RAI14: variants seen among roughly 807,000 people sequenced by gnomAD.
RAI14 encodes the protein retinoic acid induced 14.
In RAI14, 45 loss-of-function variants were observed where a neutral mutation model predicts 115.4. The observed-to-expected ratio is 0.39, with a 90% CI of 0.31 to 0.50. The LOEUF (loss-of-function observed/expected upper bound fraction) is 0.50. Among genes scored for constraint, RAI14 ranks in the 20% least tolerant of loss-of-function variants. The pLI is 0.85. For missense variants in RAI14, 939 were observed against 1,131.2 expected, an observed-to-expected ratio of 0.83 and a Z score of 2.44; for synonymous variants, 371 against 415.4, an observed-to-expected ratio of 0.89 and a Z score of 1.30.
intron 2 of RAI14, among the ~76,000 whole-genome samples, chr5:34,728,241 G>C (rs1391129589): frequency 6.6e-6 from 1 of 152,196 alleles, no homozygotes; most frequent in East Asian, 1.9e-4. Flanking sequence ...ATGGATGGAA[G>C]GGACTTGTCT....
At chr5:34,785,190 T>C (rs1006962672) in intron 3 of RAI14, among the ~76,000 whole-genome samples, 2 of 152,290 alleles carry the variant, frequency 1.3e-5, no homozygotes, top group African/African-American at 4.8e-5. Flanking sequence ...TCTATCAAAA[T>C]TGGCTTATCT....
At chr5:34,811,292 A>G (rs112790514) in intron 8 of RAI14, among the ~76,000 whole-genome samples, 174 bp downstream of exon 8, 21,457 of 152,150 alleles carry the variant, frequency 0.14, 2,068 homozygotes, top group Non-Finnish European at 0.2. Context: ...CTTTAAAGCA[A>G]TTTTCCCCAG....
rs1040431124 is a variant in RAI14 at position 34,822,960 on chromosome 5, A to G, written c.1118A>G (p.Lys373Arg). 1.2e-6 allele frequency: 2 copies of G among 1,606,980 alleles called. No individual in the cohort carries two copies. Among genetic ancestry groups the G allele is most frequent in the Admixed American group, 1.7e-5 (1 of 58,476 alleles). Residue 373 changes from lysine (K) to arginine (R), a missense_variant, in exon 15 of 18, where the codon AAA becomes AGA. Lys to Arg is a conservative substitution (Grantham distance 26). Transcript: ENST00000265109. ...ATTCTTGCTTTTTTTTCCTAGGCCA[A>G]ATCACCCAAGGAGGCGGAAGCAGAC... ...NKELQDKLQA[K>R]SPKEAEADLS... is the part of the protein sequence containing the mutation.
At position 34,823,226 on chromosome 5, in the gene RAI14, C is replaced by G. The variant is rs1224940940; in HGVS notation, c.1384C>G (p.Arg462Gly). ...ACAGCTACAGGTCGAACTCCAATCC[C>G]GAAGGGCAGAACTGGTATGCTTAAA... The part of the protein sequence containing the change: ...RKQLQVELQS[R>G]RAELVCLNNT... The change falls in exon 15 of 18, where the codon CGA (arginine) becomes GGA (glycine). Residue 462 changes from arginine (R) to glycine (G), a missense_variant. Arg to Gly is a moderately radical substitution (Grantham distance 125, BLOSUM62 -2). Transcript: ENST00000265109. This position sits in a 1 kb window ranked among gnomAD's most constrained non-coding sequence, Gnocchi z 4.5. The G allele has an allele frequency of 1.8e-5, 29 of 1,614,040 alleles. No individual in the cohort carries two copies. The highest frequency in any genetic ancestry group is 1.5e-4 in the South Asian group (14 of 91,084).
chr5:34,786,518 A>G (rs1179893144), intron 3 of RAI14, among the ~76,000 whole-genome samples: 1 of 152,166 alleles, frequency 6.6e-6, no homozygotes, highest in East Asian at 1.9e-4. Flanking sequence ...CTGTTACTTC[A>G]TTATACTCTC....
At chr5:34,750,657 A>G in intron 2 of RAI14, among the ~76,000 whole-genome samples, 1 of 152,078 alleles carries the variant, frequency 6.6e-6, no homozygotes. Context: ...ACATATGGAG[A>G]AAAGTACACA....
intron 3 of RAI14, among the ~76,000 whole-genome samples, chr5:34,777,778 CA>C (rs1162688187): frequency 6.7e-6 from 1 of 148,770 alleles, no homozygotes; most frequent in African/African-American, 2.5e-5. Context: ...GACTCCGTCT[CA>C]AAAAAACAAA....
At chr5:34,704,136 G>A (rs1179428646) in intron 2 of RAI14, among the ~76,000 whole-genome samples, 2 of 152,190 alleles carry the variant, frequency 1.3e-5, no homozygotes, top group African/African-American at 2.4e-5. Context: ...GGTCTAATCC[G>A]GCTCAGTCGT....
At chr5:34,785,898 G>A (rs1298904219) in intron 3 of RAI14, among the ~76,000 whole-genome samples, 1 of 152,146 alleles carries the variant, frequency 6.6e-6, no homozygotes. Context: ...CAGAATCAGT[G>A]ACTCCTGTTT....
At chr5:34,750,869 T>TTTTTTTTA (rs1746906098) in intron 2 of RAI14, among the ~76,000 whole-genome samples, 1 of 147,840 alleles carries the variant, frequency 6.8e-6, no homozygotes, top group Non-Finnish European at 1.5e-5. Context: ...TTTTTTTTTT[T>TTTTTTTTA]GAGGTGGAGT....
intron 2 of RAI14, among the ~76,000 whole-genome samples, chr5:34,741,643 G>A (rs919261010): frequency 2.0e-5 from 3 of 152,294 alleles, no homozygotes; most frequent in South Asian, 2.1e-4. Context: ...CAGAGGGAGC[G>A]CTGGGCAAAG....
intron 12 of RAI14, among the ~76,000 whole-genome samples, chr5:34,817,272 C>CA (rs34084798): frequency 0.058 from 5,626 of 97,066 alleles, 261 homozygotes; most frequent in African/African-American, 0.074. Flanking sequence ...CACTCCATCT[C>CA]AAAAAAAAAA....
intron 5 of RAI14, among the ~76,000 whole-genome samples, chr5:34,804,677 G>A (rs1157893239): frequency 1.3e-5 from 2 of 152,176 alleles, no homozygotes; most frequent in South Asian, 2.1e-4. Context: ...TTCCAAGAAT[G>A]CTTAACCTTA....
Position 34,814,658 on chromosome 5 carries a change from C to A in RAI14, c.928C>A (p.Pro310Thr), listed in dbSNP as rs772496648. 11 of 1,608,404 alleles carry A rather than the reference C, an allele frequency of 6.8e-6. No homozygotes were observed. Among genetic ancestry groups the A allele is most frequent in the South Asian group, 3.3e-5 (3 of 90,974 alleles). The part of the protein sequence containing the change: ...SGKESVFFAE[P>T]PFKAEISSIR... Reference sequence around the variant, plus strand: ...AAAGGAATCGGTATTTTTTGCTGAACCACCCTTCAAGGTATTTCCTTTCTG... The same window carrying A: ...AAAGGAATCGGTATTTTTTGCTGAAACACCCTTCAAGGTATTTCCTTTCTG... Residue 310 changes from proline to threonine, a missense_variant, in exon 12 of 18, where the codon CCA (proline) becomes ACA (threonine). Coordinates refer to ENST00000265109, the MANE Select transcript of RAI14 (RefSeq NM_015577.3).
chr5:34,749,325 ACT>A (rs1419420688), intron 2 of RAI14, among the ~76,000 whole-genome samples: 2 of 152,110 alleles, frequency 1.3e-5, no homozygotes, highest in African/African-American at 2.4e-5. Context: ...AGTCAAAGAA[ACT>A]CTCTTCCTGG....
At chr5:34,743,207 T>G (rs932605007) in intron 2 of RAI14, among the ~76,000 whole-genome samples, 4 of 152,158 alleles carry the variant, frequency 2.6e-5, no homozygotes, top group Non-Finnish European at 5.9e-5. Flanking sequence ...CTCTCGCAGT[T>G]CAAGAGGCCA....
chr5:34,818,907 C>T, intron 13 of RAI14, 56 bp downstream of exon 13: 5 of 1,506,450 alleles, frequency 3.3e-6, no homozygotes, highest in Non-Finnish European at 4.6e-6. Flanking sequence ...ATTTCATGTC[C>T]ATTTAAAGAG....
intron 3 of RAI14, among the ~76,000 whole-genome samples, chr5:34,785,926 A>T (rs1259848201): frequency 6.6e-6 from 1 of 152,158 alleles, no homozygotes; most frequent in African/African-American, 2.4e-5. Context: ...TACCCCTTTT[A>T]AATGTAAACT....
chr5:34,807,911 C>G, intron 6 of RAI14, 54 bp downstream of exon 6: 3 of 1,421,770 alleles, frequency 2.1e-6, no homozygotes, highest in Non-Finnish European at 3.0e-6. Flanking sequence ...ACCAACTTTT[C>G]TTTTTCCTTA....
Sources: allele counts gnomAD v4.1 joint callset (sites outside exome capture counted in the v4.1 genomes callset), GRCh38; gene constraint gnomAD v4.1.1; non-coding constraint Gnocchi (gnomAD v3.1); transcripts MANE v1.5; gene names NCBI Gene and HGNC (gene_info 2026-07-23, HGNC 2026-07-21).